Variants in TENM2 observed in about 807,000 individuals in gnomAD.
The protein encoded by TENM2 is teneurin-2.
Under a neutral mutation model 245.2 loss-of-function variants are expected in TENM2, and 52 were observed. The ratio of observed to expected loss-of-function variants is 0.21; its 90% CI spans 0.17 to 0.27. TENM2 has a LOEUF of 0.27. Among genes scored for constraint, TENM2 ranks in the 10% least tolerant of loss-of-function variants. The pLI is 1.00. For missense variants in TENM2, 3,046 were observed against 3,666.8 expected (o/e 0.83, Z 4.37); for synonymous variants, 1,363 against 1,438.9 (o/e 0.95, Z 1.19).
At chr5:167,284,806 GA>G in exon 1 of TENM2, 1 of 1,521,286 alleles carries the variant, frequency 6.6e-7, no homozygotes, top group Non-Finnish European at 8.9e-7. Flanking sequence ...TGACTTTTCT[GA>G]AAACATCAGC....
chr5:167,094,633 T>C, the TENM2 span, among the ~76,000 whole-genome samples: 1 of 152,230 alleles, frequency 6.6e-6, no homozygotes, highest in Non-Finnish European at 1.5e-5. Context: ...TCTAAATTGA[T>C]CATGTTGAAA....
At chr5:167,682,590 T>C (rs1398683474) in intron 2 of TENM2, among the ~76,000 whole-genome samples, 1 of 152,214 alleles carries the variant, frequency 6.6e-6, no homozygotes, top group African/African-American at 2.4e-5. Context: ...TCCTCTGGGA[T>C]AGGTGTTTCC....
intron 1 of TENM2, chr5:167,287,858 G>A (rs1033800673): frequency 2.0e-5 from 3 of 152,212 alleles, no homozygotes; most frequent in African/African-American, 7.2e-5. Context: ...TTCGGTCTGT[G>A]GCCACTGGAG....
At chr5:167,076,886 G>A in the TENM2 span, among the ~76,000 whole-genome samples, 1 of 151,976 alleles carries the variant, frequency 6.6e-6, no homozygotes, top group Non-Finnish European at 1.5e-5. Flanking sequence ...TGTTGCCCAG[G>A]CTGGAGTGCA....
the TENM2 span, among the ~76,000 whole-genome samples, chr5:167,138,289 G>A: frequency 1.3e-5 from 2 of 152,198 alleles, no homozygotes; most frequent in Admixed American, 6.5e-5. Context: ...AGCAGTTAAA[G>A]TGTAATAAGA....
chr5:167,715,688 A>G (rs936788368), intron 2 of TENM2, among the ~76,000 whole-genome samples: 1 of 152,180 alleles, frequency 6.6e-6, no homozygotes, highest in Non-Finnish European at 1.5e-5. Flanking sequence ...AGAGTAAATG[A>G]TAAGGTCACA....
At chr5:167,948,493 C>T (rs939045652) in intron 3 of TENM2, among the ~76,000 whole-genome samples, 9 of 152,194 alleles carry the variant, frequency 5.9e-5, no homozygotes, top group Non-Finnish European at 1.0e-4. Context: ...AGGCACCTTA[C>T]TTATACCTCC....
the TENM2 span, among the ~76,000 whole-genome samples, chr5:167,100,640 A>T: frequency 6.6e-6 from 1 of 151,978 alleles, no homozygotes; most frequent in Non-Finnish European, 1.5e-5. Flanking sequence ...TGCTCCTGCT[A>T]CATTATTAAA....
the TENM2 span, among the ~76,000 whole-genome samples, chr5:167,183,096 C>T: frequency 6.6e-6 from 1 of 152,096 alleles, no homozygotes; most frequent in African/African-American, 2.4e-5. Flanking sequence ...CATTTAAAGG[C>T]CCATTATGCT....
chr5:167,727,639 A>G (rs2150544127), intron 2 of TENM2, among the ~76,000 whole-genome samples: 1 of 152,352 alleles, frequency 6.6e-6, no homozygotes, highest in East Asian at 1.9e-4. Flanking sequence ...TTCATCTAAC[A>G]TTTTGTGTGC....
intron 1 of TENM2, among the ~76,000 whole-genome samples, chr5:167,313,722 C>T (rs1756183103): frequency 6.6e-6 from 1 of 152,190 alleles, no homozygotes; most frequent in South Asian, 2.1e-4. Context: ...TCCCATCATT[C>T]ACTCTATCTC....
chr5:167,002,768 G>C, the TENM2 span, among the ~76,000 whole-genome samples: 23 of 152,012 alleles, frequency 1.5e-4, no homozygotes, highest in Admixed American at 3.9e-4. Flanking sequence ...GTGAGACTCT[G>C]TCTGTAAATA....
chr5:167,511,606 C>A (rs1415415244), intron 2 of TENM2, among the ~76,000 whole-genome samples: 1 of 152,146 alleles, frequency 6.6e-6, no homozygotes, highest in Non-Finnish European at 1.5e-5. Flanking sequence ...ATCTCAGTTT[C>A]CTTCTCCATG....
At chr5:168,004,377 A>G (rs776178745) in intron 5 of TENM2, among the ~76,000 whole-genome samples, 1 of 152,176 alleles carries the variant, frequency 6.6e-6, no homozygotes, top group Non-Finnish European at 1.5e-5. Context: ...TCTTAATCCC[A>G]GTGGAACAGG....
chr5:167,084,155 T>C, the TENM2 span, among the ~76,000 whole-genome samples: 1 of 151,024 alleles, frequency 6.6e-6, no homozygotes, highest in East Asian at 2.0e-4. Flanking sequence ...TAACCAGAGA[T>C]GCCACATCAC....
At chr5:167,517,428 T>A (rs1328034168) in intron 2 of TENM2, among the ~76,000 whole-genome samples, 3 of 152,146 alleles carry the variant, frequency 2.0e-5, no homozygotes, top group African/African-American at 7.2e-5. Context: ...AAGGGAGGGA[T>A]AGGGAGATAA....
intron 4 of TENM2, among the ~76,000 whole-genome samples, chr5:167,973,357 A>G (rs1255584348): frequency 2.6e-5 from 4 of 152,284 alleles, no homozygotes; most frequent in Non-Finnish European, 5.9e-5. Context: ...TGGTAATCCC[A>G]TTACCAGCTG....
intron 13 of TENM2, among the ~76,000 whole-genome samples, chr5:168,178,330 G>A (rs533191608): frequency 6.6e-6 from 1 of 152,304 alleles, no homozygotes; most frequent in East Asian, 1.9e-4. Flanking sequence ...GAGGAACAGA[G>A]CAGGGTAGAC....
the TENM2 span, among the ~76,000 whole-genome samples, chr5:167,013,637 G>A: frequency 3.9e-5 from 6 of 152,092 alleles, no homozygotes; most frequent in African/African-American, 1.4e-4. Flanking sequence ...AACCCAGAGA[G>A]GGGAGGTTGC....
Sources: gnomAD v4.1 joint callset for allele counts (sites outside exome capture counted in the v4.1 genomes callset) on GRCh38, gnomAD v4.1.1 for gene constraint, MANE v1.5 for transcripts, NCBI Gene and HGNC (gene_info 2026-07-23, HGNC 2026-07-21) for gene names.